Variants in ACAD11 observed in about 807,000 individuals in gnomAD.
The protein encoded by ACAD11 is acyl-CoA dehydrogenase family member 11, also known as acyl-Coenzyme A dehydrogenase family, member 11.
ACAD11 carries 83 observed loss-of-function variants against 102.2 expected under a neutral mutation model. The ratio of observed to expected loss-of-function variants is 0.81; its 90% CI spans 0.68 to 0.97. The LOEUF (loss-of-function observed/expected upper bound fraction) is 0.97. Ranked by LOEUF, ACAD11 falls within the 50% of genes least tolerant of loss-of-function variation. The pLI, the probability that ACAD11 is intolerant of heterozygous loss-of-function variation, is 0.00. For missense variants in ACAD11, 901 were observed against 951.7 expected (o/e 0.95, Z 0.70); for synonymous variants, 324 against 319.8 (o/e 1.01, Z -0.14).
At chr3:132,579,195 TC>T in intron 14 of ACAD11, 2 of 793,028 alleles carry the variant, frequency 2.5e-6, no homozygotes, top group Non-Finnish European at 3.7e-6. Context: ...TCTAATCACT[TC>T]ATTACACAGG....
At chr3:132,619,670 C>T (rs1939539506) in intron 9 of ACAD11, 125 bp from the exon 10 acceptor site, 2 of 517,744 alleles carry the variant, frequency 3.9e-6, no homozygotes, top group African/African-American at 4.0e-5. Context: ...ATTATTAAAC[C>T]AGACACAGAA....
intron 5 of ACAD11, among the ~76,000 whole-genome samples, chr3:132,637,554 TAATTA>T (rs752502414): frequency 6.6e-6 from 1 of 152,178 alleles, no homozygotes; most frequent in Non-Finnish European, 1.5e-5. Flanking sequence ...TGGATGTTTC[TAATTA>T]AATATATTTT....
chr3:132,572,531 T>A (rs1937409954), intron 17 of ACAD11, among the ~76,000 whole-genome samples: 1 of 152,166 alleles, frequency 6.6e-6, no homozygotes, highest in Admixed American at 6.6e-5. Flanking sequence ...TTCAAAGAAC[T>A]AGGAAAAACT....
rs1936958100 is a variant in ACAD11, at chr3:132,558,807, A to G, written c.*164T>C. The G allele has an allele frequency of 1.7e-6, 1 of 582,304 alleles. No homozygotes were observed. Among genetic ancestry groups the G allele is most frequent in the African/African-American group, 1.9e-5 (1 of 52,626 alleles). 36.1% of individuals were successfully genotyped at this position (582,304 alleles called of 1,614,324 possible). A position where few individuals can be genotyped will look rare whatever the true frequency, so the allele number is the denominator to read the frequency against. ...AACTTAACCCTGTGTGACCCTTGAA[A>G]TAATAAAACCCACTGATCAAAATAG... On this transcript the variant is annotated 3_prime_UTR_variant, in exon 20 of 20. Coordinates refer to ENST00000264990, the MANE Select transcript of ACAD11 (RefSeq NM_032169.5).
chr3:132,603,230 A>G lies in ACAD11; in HGVS notation c.1620T>C (p.Ser540=). The part of the protein sequence containing the change: ...YVINGKKWWS[S]GAGNPKCKIA... ...GAAAAAATTAGGCTGAACACTCACC[A>G]CTGCTCCACCATTTTTTGCCGTTAA... Residue 540 remains serine, a splice_region_variant and synonymous_variant, in exon 13 of 20, where the codon AGT becomes AGC. Coordinates refer to ENST00000264990, the MANE Select transcript of ACAD11 (RefSeq NM_032169.5). 1.2e-6 allele frequency: 2 copies of G among 1,613,680 alleles called. No individual in the cohort carries two copies. The highest frequency in any genetic ancestry group is 1.7e-5 in the Admixed American group (1 of 60,012).
At chr3:132,578,329 T>A (rs1484037663) in intron 15 of ACAD11, among the ~76,000 whole-genome samples, 3 of 152,200 alleles carry the variant, frequency 2.0e-5, no homozygotes, top group Non-Finnish European at 1.5e-5. Context: ...CTTTGCTTCT[T>A]AGAAGTCCCA....
Position 132,603,330 on chromosome 3 carries a change from A to G in ACAD11, c.1523-3T>C, listed in dbSNP as rs1302969580. On this transcript the variant is annotated splice_region_variant and splice_polypyrimidine_tract_variant and intron_variant, in intron 12 of 19. Coordinates refer to ENST00000264990, the MANE Select transcript of ACAD11 (RefSeq NM_032169.5). Reference sequence around the variant, plus strand: ...ATCACTTGAAGCTACATCAGGTTCTATAAATAAACAAAAGCTGAATTTACA... The same window carrying G: ...ATCACTTGAAGCTACATCAGGTTCTGTAAATAAACAAAAGCTGAATTTACA... The G allele has an allele frequency of 1.2e-6, 2 of 1,613,144 alleles. No homozygotes were observed. Among genetic ancestry groups the G allele is most frequent in the African/African-American group, 1.3e-5 (1 of 74,920 alleles).
rs550346201 is a variant in ACAD11, at chr3:132,634,672, A to G, written c.703-3193T>C. 2.6e-5 allele frequency among the ~76,000 whole-genome samples: 4 copies of G among 152,172 alleles called. No homozygotes were observed. The East Asian group carries it at 5.8e-4, about 22-fold the overall frequency. Reference sequence around the variant, plus strand: ...GAACCAACCCAAATATCCAATAATGATAGACTGGATTAAGAAAATGTGGCA... The same window carrying G: ...GAACCAACCCAAATATCCAATAATGGTAGACTGGATTAAGAAAATGTGGCA... On this transcript the variant is annotated intron_variant, in intron 5 of 19. Coordinates refer to ENST00000264990, the MANE Select transcript of ACAD11 (RefSeq NM_032169.5).
chr3:132,621,261 A>G (rs1939597163), intron 9 of ACAD11: 1 of 152,194 alleles, frequency 6.6e-6, no homozygotes, highest in Non-Finnish European at 1.5e-5. Context: ...TTGCCTCCTT[A>G]GCGCAGTAGG....
intron 5 of ACAD11, among the ~76,000 whole-genome samples, chr3:132,636,381 AT>A (rs1409987661): frequency 6.6e-6 from 1 of 152,186 alleles, no homozygotes; most frequent in Non-Finnish European, 1.5e-5. Flanking sequence ...TTATAAAGAG[AT>A]TCATTTTATG....
intron 11 of ACAD11, among the ~76,000 whole-genome samples, chr3:132,611,404 C>T (rs200624232): frequency 2.0e-5 from 3 of 151,818 alleles, no homozygotes. Context: ...AAATAAAGGG[C>T]ATTCAATTAG....
rs144756555 is a variant in ACAD11 at position 132,643,994 on chromosome 3, T to C, written c.249+803A>G. ...TTTTCCTTCAGCCATACTATATCGA[T>C]ATTTAATAAAAGTTACCCAACTTTT... On this transcript the variant is annotated intron_variant, in intron 2 of 19. Coordinates refer to ENST00000264990, the MANE Select transcript of ACAD11 (RefSeq NM_032169.5). Among the ~76,000 whole-genome samples, 631 of 152,222 alleles carry C rather than the reference T, an allele frequency of 4.1e-3. 7 individuals are homozygous for C. Among genetic ancestry groups the C allele is most frequent in the African/African-American group, 0.014 (576 of 41,508 alleles).
intron 13 of ACAD11, among the ~76,000 whole-genome samples, chr3:132,586,732 G>A (rs1937851819): frequency 6.6e-6 from 1 of 152,076 alleles, no homozygotes; most frequent in Admixed American, 6.5e-5. Context: ...AAAAATACAA[G>A]CATTTTCATA....
In ACAD11 at chr3:132,642,722, A is replaced by G. The variant is rs1288901473; in HGVS notation, c.330T>C (p.Asp110=). 2.5e-6 allele frequency: 4 copies of G among 1,612,284 alleles called. No individual in the cohort carries two copies. Among genetic ancestry groups the G allele is most frequent in the Non-Finnish European group, 3.4e-6 (4 of 1,179,376 alleles). ...AAAATTCTGTTCCAATGACAGAAGT[A>G]TCACTGCAGTACAGTATAGGCTTGG... ...PVPKPILYCS[D]TSVIGTEFYV... is the part of the protein sequence containing the mutation. Residue 110 remains aspartate, a synonymous_variant, in exon 3 of 20, where the codon GAT becomes GAC. Coordinates refer to ENST00000264990, the MANE Select transcript of ACAD11 (RefSeq NM_032169.5).
intron 13 of ACAD11, among the ~76,000 whole-genome samples, chr3:132,582,833 C>G (rs1576558911): frequency 6.6e-6 from 1 of 152,080 alleles, no homozygotes; most frequent in Non-Finnish European, 1.5e-5. Flanking sequence ...GAATTGTAAG[C>G]CTGCTTTCTC....
chr3:132,589,919 G>GT (rs1438605904), intron 13 of ACAD11, among the ~76,000 whole-genome samples: 2 of 151,984 alleles, frequency 1.3e-5, no homozygotes, highest in Non-Finnish European at 2.9e-5. Flanking sequence ...GTTTGCGTTC[G>GT]TAAGTTCTCA....
rs1340735661 is a variant in ACAD11, at chr3:132,642,755, GAATCC to G, written c.292_296del (p.Gly98ProfsTer11). 1 of 1,613,106 alleles carries G rather than the reference GAATCC, an allele frequency of 6.2e-7. No individual in the cohort carries two copies. The highest frequency in any genetic ancestry group is 1.3e-5 in the African/African-American group (1 of 74,878). On this transcript the variant is annotated frameshift_variant, in exon 3 of 20. Transcript: ENST00000264990. LOFTEE classifies it high-confidence loss of function. The stretch of plus-strand genomic sequence containing the variant: ...AGTACAGTATAGGCTTGGGAACGGG[GAATCC>G]AATTGAAAACAAGGCTTTCTGGACT...
chr3:132,646,122 G>A (rs1001013863), intron 1 of ACAD11, among the ~76,000 whole-genome samples: 1 of 152,122 alleles, frequency 6.6e-6, no homozygotes, highest in East Asian at 1.9e-4. Flanking sequence ...GACTACAGGC[G>A]CCCGCCACCG....
At chr3:132,653,749 T>TC (rs776053118) in intron 1 of ACAD11, among the ~76,000 whole-genome samples, 105 of 152,248 alleles carry the variant, frequency 6.9e-4, no homozygotes, top group Middle Eastern at 6.8e-3. Flanking sequence ...ACCATGGTTT[T>TC]CCCCCACCTC....
Sources: gnomAD v4.1 joint callset for allele counts (sites outside exome capture counted in the v4.1 genomes callset) on GRCh38, gnomAD v4.1.1 for gene constraint, MANE v1.5 for transcripts, NCBI Gene and HGNC (gene_info 2026-07-23, HGNC 2026-07-21) for gene names.